Variants in SLC12A6 observed in about 807,000 individuals in gnomAD.
SLC12A6 encodes K-Cl cotransporter 3.
In SLC12A6, 66 loss-of-function variants were observed where a neutral mutation model predicts 135.3. That is an observed-to-expected ratio of 0.49 (90% CI 0.40 to 0.60). The LOEUF (loss-of-function observed/expected upper bound fraction) is 0.60. Ranked by LOEUF, SLC12A6 falls within the 20% of genes least tolerant of loss-of-function variation. SLC12A6 has a pLI of 0.00. For synonymous variants in SLC12A6, 513 were observed against 508.8 expected (o/e 1.01, Z -0.11); for missense variants, 1,058 against 1,452.3 (o/e 0.73, Z 4.41).
At chr15:34,330,010 T>G (rs1889730585) in intron 2 of SLC12A6, among the ~76,000 whole-genome samples, 1 of 152,184 alleles carries the variant, frequency 6.6e-6, no homozygotes, top group African/African-American at 2.4e-5. Flanking sequence ...AGATAACAGC[T>G]TTACATTATC....
intron 12 of SLC12A6, 70 bp from the exon 13 acceptor site, chr15:34,250,425 G>T: frequency 1.0e-6 from 1 of 997,760 alleles, no homozygotes; most frequent in South Asian, 1.3e-5. Context: ...ACACTCAGTA[G>T]ACACTTTCTT....
intron 2 of SLC12A6, among the ~76,000 whole-genome samples, chr15:34,311,713 G>T (rs1888269878): frequency 6.6e-6 from 1 of 152,204 alleles, no homozygotes; most frequent in Non-Finnish European, 1.5e-5. Context: ...GAGAAAGGAT[G>T]AAATTAATAA....
chr15:34,236,185 T>A lies in SLC12A6; in HGVS notation c.3057A>T (p.Lys1019Asn), dbSNP rs1488975004. Reference sequence around the variant, plus strand: ...TCAATCGTAGCATTGAGTTTCGGTCTTTCACCAATTGTGCCTGAGGAAGAA... The same window carrying A: ...TCAATCGTAGCATTGAGTTTCGGTCATTCACCAATTGTGCCTGAGGAAGAA... Reference protein sequence around the residue: ...TERDREAQLVKDRNSMLRLTS... With the variant: ...TERDREAQLVNDRNSMLRLTS... The change falls in exon 24 of 26, where the codon AAA (lysine) becomes AAT (asparagine). Residue 1019 changes from lysine to asparagine, a missense_variant. Physicochemically the swap from Lys to Asn is moderately conservative, Grantham distance 94. Transcript: ENST00000354181. 1 of 1,613,858 alleles carries A rather than the reference T, an allele frequency of 6.2e-7. No homozygotes were observed. The highest frequency in any genetic ancestry group is 1.7e-5 in the Admixed American group (1 of 60,026).
At chr15:34,245,998 T>C (rs1253632031) in intron 13 of SLC12A6, 131 bp from the exon 14 acceptor site, 4 of 756,006 alleles carry the variant, frequency 5.3e-6, no homozygotes, top group Non-Finnish European at 9.4e-6. Flanking sequence ...AGTGGTGTGA[T>C]CTTGGCTCAC....
At chr15:34,297,906 T>A (rs1372642147) in intron 2 of SLC12A6, among the ~76,000 whole-genome samples, 1 of 152,078 alleles carries the variant, frequency 6.6e-6, no homozygotes, top group East Asian at 1.9e-4. Context: ...AAGAAATAAA[T>A]GCTAGATATA....
intron 4 of SLC12A6, among the ~76,000 whole-genome samples, chr15:34,259,373 G>A (rs919869290): frequency 6.6e-6 from 1 of 151,858 alleles, no homozygotes; most frequent in South Asian, 2.1e-4. Flanking sequence ...CATTGAGTTG[G>A]GCATGGTGGC....
chr15:34,332,320 T>A (rs906862907), intron 2 of SLC12A6, among the ~76,000 whole-genome samples: 1 of 152,210 alleles, frequency 6.6e-6, no homozygotes, highest in Non-Finnish European at 1.5e-5. Flanking sequence ...GTAACAAATA[T>A]TTGGTGAAGG....
At chr15:34,268,444 T>C (rs1441672804) in intron 3 of SLC12A6, among the ~76,000 whole-genome samples, 20 of 152,198 alleles carry the variant, frequency 1.3e-4, no homozygotes, top group Admixed American at 1.3e-4. Flanking sequence ...TGGTCAATCA[T>C]GGCTTGTGGA....
At chr15:34,283,565 G>A (rs7165973) in intron 2 of SLC12A6, among the ~76,000 whole-genome samples, 5,970 of 152,022 alleles carry the variant, frequency 0.039, 216 homozygotes, top group African/African-American at 0.099. Context: ...ACAGCTGTGA[G>A]AAGACCCTAA....
chr15:34,311,708 A>C (rs1888269430), intron 2 of SLC12A6, among the ~76,000 whole-genome samples: 2 of 152,206 alleles, frequency 1.3e-5, no homozygotes, highest in Admixed American at 6.5e-5. Context: ...GAGTGGAGAA[A>C]GGATGAAATT....
chr15:34,296,352 G>T (rs1023439990), intron 2 of SLC12A6, among the ~76,000 whole-genome samples: 1 of 152,102 alleles, frequency 6.6e-6, no homozygotes, highest in East Asian at 1.9e-4. Flanking sequence ...TGGTTCTCAT[G>T]ATAACCCTGT....
At chr15:34,315,078 G>T (rs1454032904) in intron 2 of SLC12A6, among the ~76,000 whole-genome samples, 2 of 152,180 alleles carry the variant, frequency 1.3e-5, no homozygotes, top group African/African-American at 4.8e-5. Flanking sequence ...CATGAAATCT[G>T]CTGATGAAGA....
intron 2 of SLC12A6, among the ~76,000 whole-genome samples, chr15:34,303,981 T>C (rs1287127707): frequency 1.3e-5 from 2 of 152,252 alleles, no homozygotes; most frequent in Non-Finnish European, 2.9e-5. Context: ...ATAGTCACAC[T>C]GTTGTGTAGC....
intron 2 of SLC12A6, among the ~76,000 whole-genome samples, chr15:34,313,449 G>A (rs940183993): frequency 3.3e-5 from 5 of 152,166 alleles, no homozygotes; most frequent in Admixed American, 2.6e-4. Context: ...TGATGGGGGT[G>A]CAAAATAAAA....
At chr15:34,244,743 C>G (rs181936351) in intron 15 of SLC12A6, among the ~76,000 whole-genome samples, 1 of 152,184 alleles carries the variant, frequency 6.6e-6, no homozygotes, top group South Asian at 2.1e-4. Context: ...TAGCAAATAA[C>G]CAGTTATTCT....
rs1038909977 is a variant in SLC12A6 at position 34,318,902 on chromosome 15, A to G, written c.271+17508T>C. The G allele has an allele frequency of 2.7e-6, 3 of 1,107,930 alleles. No homozygotes were observed. In the African/African-American group the frequency reaches 4.8e-5, roughly 18 times the overall value. 68.6% of individuals were successfully genotyped at this position (1,107,930 alleles called of 1,614,324 possible). On this transcript the variant is annotated intron_variant, in intron 2 of 25. Coordinates refer to ENST00000354181, the MANE Select transcript of SLC12A6 (RefSeq NM_001365088.1). ...CAGTGTTTATCATTCACTTAAAAGG[A>G]TTAAGCACTCCACCCTTGCTTATTG...
chr15:34,325,162 C>T (rs147038147), intron 2 of SLC12A6, among the ~76,000 whole-genome samples: 73 of 152,270 alleles, frequency 4.8e-4, no homozygotes, highest in Middle Eastern at 3.4e-3. Flanking sequence ...CTGTTCACCA[C>T]TTACATTTAG....
intron 2 of SLC12A6, among the ~76,000 whole-genome samples, chr15:34,298,785 T>C (rs916981711): frequency 2.6e-5 from 4 of 152,178 alleles, no homozygotes; most frequent in Admixed American, 6.5e-5. Context: ...TCAAATCCAG[T>C]TAAATGTGGC....
intron 2 of SLC12A6, among the ~76,000 whole-genome samples, chr15:34,313,564 C>G (rs1348683850): frequency 6.6e-6 from 1 of 152,160 alleles, no homozygotes; most frequent in African/African-American, 2.4e-5. Flanking sequence ...GAAGCTATAG[C>G]AAGTTATCCA....
Sources: allele counts gnomAD v4.1 joint callset (sites outside exome capture counted in the v4.1 genomes callset), GRCh38; gene constraint gnomAD v4.1.1; transcripts MANE v1.5; gene names NCBI Gene and HGNC (gene_info 2026-07-23, HGNC 2026-07-21).